The following THRB variants were observed in gnomAD, a reference collection of about 807,000 sequenced individuals.
The protein encoded by THRB is thyroid hormone receptor beta.
THRB carries 12 observed loss-of-function variants against 47.8 expected under a neutral mutation model. The ratio of observed to expected loss-of-function variants is 0.25; its 90% CI spans 0.16 to 0.41. The LOEUF is 0.41. Ranked by LOEUF, THRB falls within the 10% of genes least tolerant of loss-of-function variation. THRB has a pLI of 1.00. For synonymous variants in THRB, 218 were observed against 212.2 expected (o/e 1.03, Z -0.24); for missense variants, 348 against 589.2 (o/e 0.59, Z 4.24).
At chr3:24,205,309 C>G (rs552808516) in intron 4 of THRB, among the ~76,000 whole-genome samples, 1 of 152,318 alleles carries the variant, frequency 6.6e-6, no homozygotes, top group South Asian at 2.1e-4. Context: ...GATCTCTCGG[C>G]AGAAACTCTA....
At chr3:24,135,008 C>G (rs1331387342) in intron 8 of THRB, among the ~76,000 whole-genome samples, 2 of 152,136 alleles carry the variant, frequency 1.3e-5, no homozygotes, top group African/African-American at 4.8e-5. Flanking sequence ...CACTTGATTT[C>G]TGGGCCCCAT....
chr3:24,205,656 A>C (rs993437064), intron 4 of THRB, among the ~76,000 whole-genome samples: 1 of 152,194 alleles, frequency 6.6e-6, no homozygotes, highest in African/African-American at 2.4e-5. Flanking sequence ...AACAATATTA[A>C]CCTTAAATGT....
At chr3:24,305,330 T>C (rs1371554886) in intron 2 of THRB, among the ~76,000 whole-genome samples, 1 of 152,162 alleles carries the variant, frequency 6.6e-6, no homozygotes, top group Non-Finnish European at 1.5e-5. Flanking sequence ...GTGAAAACCA[T>C]TGCTGTAGAG....
Position 24,170,816 on chromosome 3 carries a change from G to GA in THRB, c.284-18327dup, listed in dbSNP as rs564482306. Reference sequence around the variant, plus strand: ...ATACATAACAACACTTGCTCTCTCAGAAAAAAGATGGAGGACTCTCTGCAC... The same window carrying GA: ...ATACATAACAACACTTGCTCTCTCAGAAAAAAAGATGGAGGACTCTCTGCAC... On this transcript the variant is annotated intron_variant, in intron 5 of 10. Transcript: ENST00000646209. Among the ~76,000 whole-genome samples, 18 of 150,594 alleles carry GA rather than the reference G, an allele frequency of 1.2e-4. No individual in the cohort carries two copies. In the South Asian group the frequency reaches 1.5e-3, roughly 12 times the overall value.
chr3:24,425,116 T>A (rs548622641), intron 1 of THRB, among the ~76,000 whole-genome samples: 1 of 152,026 alleles, frequency 6.6e-6, no homozygotes, highest in South Asian at 2.1e-4. Context: ...ATTGTTTACA[T>A]CCATGATGCC....
At chr3:24,202,274 T>C (rs2044682463) in intron 4 of THRB, among the ~76,000 whole-genome samples, 1 of 152,216 alleles carries the variant, frequency 6.6e-6, no homozygotes, top group South Asian at 2.1e-4. Flanking sequence ...AATCTTTTAA[T>C]TGAAAACATA....
chr3:24,243,540 T>A (rs879053961), intron 3 of THRB, among the ~76,000 whole-genome samples: 9 of 151,968 alleles, frequency 5.9e-5, no homozygotes, highest in Non-Finnish European at 8.8e-5. Flanking sequence ...CTCACCTCCA[T>A]TAAGGGTTGA....
intron 3 of THRB, among the ~76,000 whole-genome samples, chr3:24,240,558 G>A (rs768645312): frequency 3.9e-5 from 6 of 152,152 alleles, no homozygotes; most frequent in Admixed American, 6.5e-5. Flanking sequence ...CACCATGTTG[G>A]AAGAGTTGTA....
chr3:24,405,652 C>G (rs1413507772), intron 1 of THRB, among the ~76,000 whole-genome samples: 1 of 151,538 alleles, frequency 6.6e-6, no homozygotes, highest in African/African-American at 2.4e-5. Flanking sequence ...CAAGTCTTTT[C>G]TTTTGATATA....
At chr3:24,492,204 A>G (rs1420956994) in intron 1 of THRB, among the ~76,000 whole-genome samples, 1 of 152,220 alleles carries the variant, frequency 6.6e-6, no homozygotes, top group African/African-American at 2.4e-5. Flanking sequence ...TGTGCCAAGT[A>G]TTGTTCTAGA....
chr3:24,178,288 A>G (rs2041437074), intron 5 of THRB, among the ~76,000 whole-genome samples: 1 of 152,232 alleles, frequency 6.6e-6, no homozygotes, highest in South Asian at 2.1e-4. Context: ...ACACCGTATC[A>G]TACAATTTTT....
chr3:24,286,320 C>T (rs906775890), intron 3 of THRB, among the ~76,000 whole-genome samples: 1 of 152,286 alleles, frequency 6.6e-6, no homozygotes, highest in South Asian at 2.1e-4. Flanking sequence ...AAAACAATAA[C>T]TTTCTAAGGA....
chr3:24,491,459 C>T (rs1698131037), intron 1 of THRB, among the ~76,000 whole-genome samples: 1 of 152,204 alleles, frequency 6.6e-6, no homozygotes, highest in Admixed American at 6.5e-5. Flanking sequence ...TGCAATATTT[C>T]CCACCATCAT....
chr3:24,332,872 T>C (rs1030987925), intron 2 of THRB, among the ~76,000 whole-genome samples: 1 of 152,046 alleles, frequency 6.6e-6, no homozygotes, highest in Non-Finnish European at 1.5e-5. Context: ...CTGGCTAACA[T>C]GGTGAAACCC....
At chr3:24,287,453 C>G (rs1259857442) in intron 3 of THRB, among the ~76,000 whole-genome samples, 1 of 152,144 alleles carries the variant, frequency 6.6e-6, no homozygotes, top group East Asian at 1.9e-4. Context: ...CTTTCCCAGC[C>G]TAGAGAAGAA....
chr3:24,286,898 G>C (rs1373009732), intron 3 of THRB, among the ~76,000 whole-genome samples: 1 of 152,178 alleles, frequency 6.6e-6, no homozygotes, highest in African/African-American at 2.4e-5. Flanking sequence ...AGAGGAACAC[G>C]AGAGTGGGGC....
At chr3:24,292,660 T>C (rs924044260) in intron 3 of THRB, among the ~76,000 whole-genome samples, 3 of 152,216 alleles carry the variant, frequency 2.0e-5, no homozygotes, top group African/African-American at 4.8e-5. Flanking sequence ...TGGCAAATAG[T>C]GGACTCTCAA....
chr3:24,210,070 T>C (rs1332227470), intron 4 of THRB, among the ~76,000 whole-genome samples: 2 of 152,312 alleles, frequency 1.3e-5, no homozygotes, highest in East Asian at 3.9e-4. Context: ...ATGTTTCTCT[T>C]GTATATTTTC....
intron 1 of THRB, among the ~76,000 whole-genome samples, chr3:24,354,913 A>C (rs1296243933): frequency 6.6e-6 from 1 of 152,152 alleles, no homozygotes; most frequent in African/African-American, 2.4e-5. Flanking sequence ...ACAAACAAAC[A>C]AACAGAGGAG....
Sources: allele counts gnomAD v4.1 joint callset (sites outside exome capture counted in the v4.1 genomes callset), GRCh38; gene constraint gnomAD v4.1.1; transcripts MANE v1.5; gene names NCBI Gene and HGNC (gene_info 2026-07-23, HGNC 2026-07-21).